EPHB1: variants seen among roughly 807,000 people sequenced by gnomAD.
EPHB1 encodes the protein ephrin type-B receptor 1.
A neutral mutation model predicts 94.4 loss-of-function variants in EPHB1; 30 were observed. The observed-to-expected ratio is 0.32, with a 90% confidence interval of 0.24 to 0.43. The LOEUF is 0.43. Among genes scored for constraint, EPHB1 ranks in the 20% least tolerant of loss-of-function variants. The pLI is 1.00. For synonymous variants in EPHB1, 522 were observed against 489.1 expected (o/e 1.07, Z -0.89); for missense variants, 1,055 against 1,308.3 (o/e 0.81, Z 2.99).
intron 3 of EPHB1, among the ~76,000 whole-genome samples, chr3:134,994,479 T>C (rs1307954768): frequency 6.6e-6 from 1 of 152,208 alleles, no homozygotes; most frequent in African/African-American, 2.4e-5. Context: ...TCCAGACTCC[T>C]CAAGTCATAG....
At chr3:134,845,009 C>T (rs1393060137) in intron 1 of EPHB1, among the ~76,000 whole-genome samples, 2 of 152,208 alleles carry the variant, frequency 1.3e-5, no homozygotes, top group Non-Finnish European at 2.9e-5. Flanking sequence ...CAATGCATGA[C>T]ATGATGCCTG....
intron 1 of EPHB1, among the ~76,000 whole-genome samples, chr3:134,902,980 C>T (rs899829982): frequency 6.6e-6 from 1 of 152,212 alleles, no homozygotes; most frequent in African/African-American, 2.4e-5. Flanking sequence ...ATATTCCATG[C>T]AGATAATGAA....
chr3:134,931,657 G>A (rs902828110), intron 2 of EPHB1, among the ~76,000 whole-genome samples: 14 of 152,332 alleles, frequency 9.2e-5, no homozygotes, highest in Middle Eastern at 3.4e-3. Flanking sequence ...CCGAAGCCAA[G>A]CCTCATGAAC....
intron 1 of EPHB1, among the ~76,000 whole-genome samples, chr3:134,848,324 G>C (rs2036915921): frequency 6.6e-6 from 1 of 152,184 alleles, no homozygotes; most frequent in South Asian, 2.1e-4. Context: ...TAAAAAATAA[G>C]TTAAATTTGG....
Position 135,133,011 on chromosome 3 carries a change from C to G in EPHB1, c.1259C>G (p.Pro420Arg), listed in dbSNP as rs1205652617. The G allele has an allele frequency of 1.2e-6, 2 of 1,603,978 alleles. No individual in the cohort carries two copies. Among genetic ancestry groups the G allele is most frequent in the East Asian group, 2.2e-5 (1 of 44,624 alleles). ...NGVSSKSPFP[P>R]QHVSVNITTN... is the part of the protein sequence containing the mutation. ...GTCTCCAGCAAGAGTCCCTTCCCCC[C>G]ACAGCACGTCTCTGTCAACATCACC... Residue 420 changes from proline (P) to arginine (R), a missense_variant, in exon 5 of 16, where the codon CCA becomes CGA. By Grantham distance (103) the Pro-to-Arg change is moderately radical (BLOSUM62 -2). Coordinates refer to ENST00000398015, the MANE Select transcript of EPHB1 (RefSeq NM_004441.5).
chr3:134,816,553 A>G (rs536697691), intron 1 of EPHB1, among the ~76,000 whole-genome samples: 1 of 152,196 alleles, frequency 6.6e-6, no homozygotes, highest in African/African-American at 2.4e-5. Context: ...TCGTTGTGAG[A>G]TAGATGAGAT....
chr3:134,866,975 A>C (rs933000824), intron 1 of EPHB1, among the ~76,000 whole-genome samples: 1 of 151,826 alleles, frequency 6.6e-6, no homozygotes, highest in African/African-American at 2.4e-5. Flanking sequence ...ACATGGGCCA[A>C]CCTCTGGTCA....
At chr3:135,249,598 C>CGTCT (rs35878491) in intron 15 of EPHB1, 107 bp downstream of exon 15, 126,067 of 1,327,058 alleles carry the variant, frequency 0.095, 7,351 homozygotes, top group Middle Eastern at 0.13. Context: ...CCTGGAGCTC[C>CGTCT]GTCTCTGTAT....
chr3:135,228,626 A>G (rs1943457690), intron 12 of EPHB1, among the ~76,000 whole-genome samples: 1 of 152,132 alleles, frequency 6.6e-6, no homozygotes, highest in Non-Finnish European at 1.5e-5. Context: ...GCACTTTAAT[A>G]TTCTTAATAT....
intron 9 of EPHB1, among the ~76,000 whole-genome samples, chr3:135,174,635 A>G (rs1941921813): frequency 6.6e-6 from 1 of 152,208 alleles, no homozygotes; most frequent in African/African-American, 2.4e-5. Context: ...AGTTCTTAGC[A>G]CAGTGCTGGT....
chr3:134,990,685 C>T (rs1934764053), intron 3 of EPHB1, among the ~76,000 whole-genome samples: 1 of 152,192 alleles, frequency 6.6e-6, no homozygotes, highest in African/African-American at 2.4e-5. Context: ...AATCTGTGCT[C>T]ATTCTCCTGT....
intron 3 of EPHB1, among the ~76,000 whole-genome samples, chr3:135,006,458 G>T (rs1417155422): frequency 1.3e-5 from 2 of 152,154 alleles, no homozygotes; most frequent in African/African-American, 4.8e-5. Context: ...TCTTACAAAT[G>T]GTTAAAATGA....
intron 1 of EPHB1, among the ~76,000 whole-genome samples, chr3:134,831,908 G>C (rs933374727): frequency 2.0e-5 from 3 of 152,168 alleles, no homozygotes; most frequent in African/African-American, 7.2e-5. Context: ...ATGTGGGGCT[G>C]CTACTCTGAA....
chr3:134,830,455 A>G (rs1024854447), intron 1 of EPHB1, among the ~76,000 whole-genome samples: 1 of 152,122 alleles, frequency 6.6e-6, no homozygotes, highest in African/African-American at 2.4e-5. Flanking sequence ...TTTAATTTTT[A>G]TTAACATACA....
intron 1 of EPHB1, among the ~76,000 whole-genome samples, chr3:134,875,007 G>T (rs572012706): frequency 9.6e-4 from 146 of 152,232 alleles, no homozygotes; most frequent in African/African-American, 3.4e-3. Context: ...TGTCTGATTT[G>T]GGTAGCCAGT....
At chr3:134,868,124 T>A (rs973109987) in intron 1 of EPHB1, among the ~76,000 whole-genome samples, 11 of 152,206 alleles carry the variant, frequency 7.2e-5, no homozygotes, top group Admixed American at 2.6e-4. Context: ...TTATCTTTCT[T>A]TGCCTCTTGT....
At chr3:135,239,761 T>C (rs1042521546) in intron 12 of EPHB1, among the ~76,000 whole-genome samples, 1 of 152,176 alleles carries the variant, frequency 6.6e-6, no homozygotes, top group Non-Finnish European at 1.5e-5. Flanking sequence ...GCTTCAGCCA[T>C]TGTGGATTGC....
At chr3:134,936,040 G>C (rs1256183431) in intron 2 of EPHB1, among the ~76,000 whole-genome samples, 1 of 152,110 alleles carries the variant, frequency 6.6e-6, no homozygotes, top group African/African-American at 2.4e-5. Flanking sequence ...CCCCAGGCTT[G>C]TCTAACCACA....
intron 3 of EPHB1, among the ~76,000 whole-genome samples, chr3:135,090,140 T>TG (rs1274890167): frequency 1.3e-5 from 2 of 152,236 alleles, no homozygotes; most frequent in Non-Finnish European, 2.9e-5. Context: ...CTGCCTCTGT[T>TG]GCAGTGGGAG....
Sources: gnomAD v4.1 joint callset for allele counts (sites outside exome capture counted in the v4.1 genomes callset) on GRCh38, gnomAD v4.1.1 for gene constraint, MANE v1.5 for transcripts, NCBI Gene and HGNC (gene_info 2026-07-23, HGNC 2026-07-21) for gene names.